GALNT15: variants seen among roughly 807,000 people sequenced by gnomAD.
GALNT15 encodes the protein polypeptide N-acetylgalactosaminyltransferase 15.
In GALNT15, 67 loss-of-function variants were observed where a neutral mutation model predicts 66.8. The ratio of observed to expected loss-of-function variants is 1.00; its 90% CI spans 0.82 to 1.23. The LOEUF is 1.23. Ranked by LOEUF, GALNT15 falls within the 50% of genes most tolerant of loss-of-function variation. The pLI, the probability that GALNT15 is intolerant of heterozygous loss-of-function variation, is 0.00. For missense variants in GALNT15, 827 were observed against 804.3 expected, an observed-to-expected ratio of 1.03 and a Z score of -0.34; for synonymous variants, 313 against 311.5, an observed-to-expected ratio of 1.00 and a Z score of -0.05.
chr3:16,230,082 G>T lies in GALNT15; in HGVS notation c.*2582G>T, dbSNP rs2064067417. ...GTCAGTTGAGAGATCTGATTCCCAA[G>T]AGATTGGTTTCACTTGTCTACCTGA... On this transcript the variant is annotated 3_prime_UTR_variant, in exon 10 of 10. Coordinates refer to ENST00000339732, the MANE Select transcript of GALNT15 (RefSeq NM_054110.5). This position sits in a 1 kb window ranked among gnomAD's most constrained non-coding sequence, Gnocchi z 4.5. Among the ~76,000 whole-genome samples the T allele has an allele frequency of 6.6e-6, 1 of 152,128 alleles. No homozygotes were observed. Among genetic ancestry groups the T allele is most frequent in the African/African-American group, 2.4e-5 (1 of 41,434 alleles).
the GALNT15 span, among the ~76,000 whole-genome samples, chr3:16,247,560 G>C: frequency 0.053 from 8,112 of 152,240 alleles, 303 homozygotes; most frequent in Admixed American, 0.093. Flanking sequence ...ACCCTTCAAC[G>C]GGGCTTGTGA....
At position 16,175,319 on chromosome 3, in the gene GALNT15, G is replaced by A. The variant is rs569926538; in HGVS notation, c.168G>A (p.Arg56=). Residue 56 remains arginine (R), a synonymous_variant, in exon 1 of 10, where the codon AGG becomes AGA. Transcript: ENST00000339732. The surrounding 1 kb of genome is among the most constrained non-coding windows in gnomAD (Gnocchi z 5.6). ...AQASKHSPEA[R]YRLDFGESQD... ...CCAGCAAGCACAGCCCTGAAGCCAG[G>A]TACCGCCTGGACTTTGGGGAATCCC... is the stretch of plus-strand genomic sequence containing the variant. The A allele has an allele frequency of 3.7e-6, 6 of 1,614,192 alleles. No individual in the cohort carries two copies. In the East Asian group the frequency reaches 1.1e-4, roughly 30 times the overall value.
rs1210531632 is a variant in GALNT15, at chr3:16,225,108, G to A, written c.1774-2246G>A. Among the ~76,000 whole-genome samples, 1 of 152,142 alleles carries A rather than the reference G, an allele frequency of 6.6e-6. No individual in the cohort carries two copies. The highest frequency in any genetic ancestry group is 2.4e-5 in the African/African-American group (1 of 41,428). The stretch of plus-strand genomic sequence containing the variant: ...TATGGCAGAAGATGAAGTGGGAGCA[G>A]GCATATCACATGGTGAAAGCAGGAA... On this transcript the variant is annotated intron_variant, in intron 9 of 9. Coordinates refer to ENST00000339732, the MANE Select transcript of GALNT15 (RefSeq NM_054110.5). The surrounding 1 kb of genome is among the most constrained non-coding windows in gnomAD (Gnocchi z 4.4).
chr3:16,232,501 TA>T (rs1559698390), downstream of GALNT15, among the ~76,000 whole-genome samples: 234 of 89,066 alleles, frequency 2.6e-3, 13 homozygotes, highest in African/African-American at 9.9e-3. Context: ...TATATATATA[TA>T]TATATATATT....
At chr3:16,202,146 G>A (rs531066557) in intron 3 of GALNT15, among the ~76,000 whole-genome samples, 1 of 152,208 alleles carries the variant, frequency 6.6e-6, no homozygotes, top group African/African-American at 2.4e-5. Context: ...GGTTTCAAAC[G>A]TTCAAATGAC....
At chr3:16,237,544 G>A in the GALNT15 span, among the ~76,000 whole-genome samples, 9 of 152,132 alleles carry the variant, frequency 5.9e-5, no homozygotes, top group African/African-American at 1.9e-4. This position sits in a 1 kb window ranked among gnomAD's most constrained non-coding sequence, Gnocchi z 4.2. Flanking sequence ...AGCTATTATC[G>A]TCTAGTGAGC....
intron 2 of GALNT15, among the ~76,000 whole-genome samples, chr3:16,199,977 A>T (rs1436159947): frequency 6.6e-6 from 1 of 152,198 alleles, no homozygotes; most frequent in Non-Finnish European, 1.5e-5. Context: ...CACTGCTATA[A>T]AGAACTGCCT....
At position 16,195,900 on chromosome 3, in the gene GALNT15, T is replaced by C; in HGVS notation, c.680T>C (p.Ile227Thr). The C allele has an allele frequency of 6.2e-7, 1 of 1,614,068 alleles. No homozygotes were observed. The highest frequency in any genetic ancestry group is 2.2e-5 in the East Asian group (1 of 44,862). Residue 227 changes from isoleucine (I) to threonine (T), a missense_variant, in exon 2 of 10, where the codon ATC (isoleucine) becomes ACC (threonine). Coordinates refer to ENST00000339732, the MANE Select transcript of GALNT15 (RefSeq NM_054110.5). The surrounding 1 kb of genome is among the most constrained non-coding windows in gnomAD (Gnocchi z 4.6). Reference protein sequence around the residue: ...TVPRAFLKEIILVDDLSQQGQ... With the variant: ...TVPRAFLKEITLVDDLSQQGQ... ...CCCAGGGCCTTCCTGAAGGAGATCATCCTCGTGGACGACCTCAGCCAGCAA... is the reference window on the plus strand; with the variant it reads ...CCCAGGGCCTTCCTGAAGGAGATCACCCTCGTGGACGACCTCAGCCAGCAA...
intron 3 of GALNT15, among the ~76,000 whole-genome samples, chr3:16,207,653 G>T (rs894293301): frequency 6.6e-6 from 1 of 151,494 alleles, no homozygotes; most frequent in African/African-American, 2.4e-5. Flanking sequence ...TGACAGTAGG[G>T]TTACTTCTAG....
At position 16,199,185 on chromosome 3, in the gene GALNT15, G is replaced by C. The variant is rs997590904; in HGVS notation, c.707-1434G>C. On this transcript the variant is annotated intron_variant, in intron 2 of 9. Transcript: ENST00000339732. ...CCATCTCCACTGGCTTGTTCCTCTT[G>C]GTGTGTGTGTACACAGACATGCACA... is the stretch of plus-strand genomic sequence containing the variant. Among the ~76,000 whole-genome samples the C allele has an allele frequency of 4.0e-4, 57 of 140,842 alleles. 8 individuals are homozygous for C. The highest frequency in any genetic ancestry group is 7.8e-5 in the Non-Finnish European group (5 of 63,750). 92.4% of individuals were successfully genotyped at this position (140,842 alleles called of 152,430 possible). A position where few individuals can be genotyped will look rare whatever the true frequency, so the allele number is the denominator to read the frequency against.
chr3:16,248,047 T>G, the GALNT15 span, among the ~76,000 whole-genome samples: 1 of 152,204 alleles, frequency 6.6e-6, no homozygotes. The surrounding 1 kb of genome is among the most constrained non-coding windows in gnomAD (Gnocchi z 4.9). Flanking sequence ...TTCACTACAG[T>G]CGTTTTTGAA....
rs1305316021 is a variant in GALNT15 at position 16,219,693 on chromosome 3, G to A, written c.1524+159G>A. On this transcript the variant is annotated intron_variant, in intron 7 of 9. Transcript: ENST00000339732. This position sits in a 1 kb window ranked among gnomAD's most constrained non-coding sequence, Gnocchi z 4.3. ...GTGCCTCCATGCCAGTCTGAGGAAG[G>A]TGGCTGAGTTTTGCCCCATTACCCA... Among the ~76,000 whole-genome samples, 2 of 152,234 alleles carry A rather than the reference G, an allele frequency of 1.3e-5. No individual in the cohort carries two copies. The highest frequency in any genetic ancestry group is 2.4e-5 in the African/African-American group (1 of 41,460).
intron 9 of GALNT15, 90 bp downstream of exon 9, chr3:16,222,848 C>CCCT: frequency 6.9e-7 from 1 of 1,452,884 alleles, no homozygotes; most frequent in Non-Finnish European, 9.5e-7. Context: ...TCCAAGAGGT[C>CCCT]AGGTATTAGG....
rs2064055209 is a variant in GALNT15 at position 16,229,154 on chromosome 3, C to T, written c.*1654C>T. 1.0e-6 allele frequency: 1 copy of T among 985,284 alleles called. No individual in the cohort carries two copies. Among genetic ancestry groups the T allele is most frequent in the African/African-American group, 1.7e-5 (1 of 57,246 alleles). The allele number at this position is 985,284 out of a possible 1,614,324, so 61.0% of individuals were successfully genotyped here. On this transcript the variant is annotated 3_prime_UTR_variant, in exon 10 of 10. Transcript: ENST00000339732. ...CACAGTATCCTTCAAATAAGAAAAA[C>T]TGAGTGGGAAGTGCAGTGTTTCCAA...
In GALNT15 at chr3:16,224,906, G is replaced by T. The variant is rs376951358; in HGVS notation, c.1773+2148G>T. Among the ~76,000 whole-genome samples, 46 of 152,100 alleles carry T rather than the reference G, an allele frequency of 3.0e-4. No individual in the cohort carries two copies. In the East Asian group the frequency reaches 8.3e-3, roughly 27 times the overall value. ...CCTGCCTCGGCCTCCCAAAGTGCTG[G>T]GATTACAAGTGTGAGCCACCACACC... On this transcript the variant is annotated intron_variant, in intron 9 of 9. Transcript: ENST00000339732. The surrounding 1 kb of genome is among the most constrained non-coding windows in gnomAD (Gnocchi z 5.2).
rs770244108 is a variant in GALNT15, at chr3:16,203,884, C to T, written c.911+3061C>T. Among the ~76,000 whole-genome samples, 3 of 152,098 alleles carry T rather than the reference C, an allele frequency of 2.0e-5. No homozygotes were observed. The highest frequency in any genetic ancestry group is 2.9e-5 in the Non-Finnish European group (2 of 68,024). On this transcript the variant is annotated intron_variant, in intron 3 of 9. Coordinates refer to ENST00000339732, the MANE Select transcript of GALNT15 (RefSeq NM_054110.5). The surrounding 1 kb of genome is among the most constrained non-coding windows in gnomAD (Gnocchi z 6.2). Reference sequence around the variant, plus strand: ...GTGTGCTTTACTCCCCCAGGGACGTCGCCCACGTGCCTCATACAAAGCCAA... The same window carrying T: ...GTGTGCTTTACTCCCCCAGGGACGTTGCCCACGTGCCTCATACAAAGCCAA...
downstream of GALNT15, among the ~76,000 whole-genome samples, chr3:16,232,374 T>G (rs184093256): frequency 6.7e-6 from 1 of 149,810 alleles, no homozygotes; most frequent in East Asian, 2.0e-4. Context: ...GAGATCAGGC[T>G]GAGCAACATA....
In GALNT15 at chr3:16,229,071, A is replaced by G; in HGVS notation, c.*1571A>G. ...CAGATGGAGTTACCTACCTTTCCAC[A>G]TGGTCAGCTTAGAAATCTTCCCCTA... On this transcript the variant is annotated 3_prime_UTR_variant, in exon 10 of 10. Transcript: ENST00000339732. 2.0e-6 allele frequency: 2 copies of G among 985,456 alleles called. No homozygotes were observed. Among genetic ancestry groups the G allele is most frequent in the Non-Finnish European group, 2.4e-6 (2 of 829,922 alleles). The allele number at this position is 985,456 out of a possible 1,614,324, so 61.0% of individuals were successfully genotyped here.
chr3:16,246,620 C>A, the GALNT15 span, among the ~76,000 whole-genome samples: 1 of 152,064 alleles, frequency 6.6e-6, no homozygotes, highest in Non-Finnish European at 1.5e-5. Context: ...CCGCGCCCAG[C>A]CTGAAAAGGA....
Sources: gnomAD v4.1 joint callset for allele counts (sites outside exome capture counted in the v4.1 genomes callset) on GRCh38, gnomAD v4.1.1 for gene constraint, Gnocchi (gnomAD v3.1) non-coding constraint, MANE v1.5 for transcripts, NCBI Gene and HGNC (gene_info 2026-07-23, HGNC 2026-07-21) for gene names.